Variants in SNED1 observed in about 807,000 individuals in gnomAD.
SNED1 encodes the protein sushi, nidogen and EGF-like domain-containing protein 1.
In SNED1, 81 loss-of-function variants were observed where a neutral mutation model predicts 166.7. That is an observed-to-expected ratio of 0.49 (90% CI 0.41 to 0.58). The LOEUF is 0.58. SNED1 is among the 20% of genes least tolerant of loss of function. The pLI is 0.00. For missense variants in SNED1, 1,604 were observed against 2,000.2 expected (o/e 0.80, Z 3.78); for synonymous variants, 762 against 822.0 (o/e 0.93, Z 1.25).
At position 241,048,419 on chromosome 2, in the gene SNED1, A is replaced by G. The variant is rs750206994; in HGVS notation, c.1378A>G (p.Met460Val). ...GYVCECPEGF[M>V]GLDCRERVPD... is the part of the protein sequence containing the mutation. ...CGTGTGCGAGTGCCCCGAAGGCTTC[A>G]TGGGCCTGGACTGCAGGGAGAGTGC... Residue 460 changes from methionine (M) to valine (V), a missense_variant, in exon 9 of 32, where the codon ATG (methionine) becomes GTG (valine). Met to Val is a conservative substitution (Grantham distance 21). Coordinates refer to ENST00000310397, the MANE Select transcript of SNED1 (RefSeq NM_001080437.3). 6.2e-7 allele frequency: 1 copy of G among 1,609,938 alleles called. No individual in the cohort carries two copies. The highest frequency in any genetic ancestry group is 1.1e-5 in the South Asian group (1 of 89,980).
In SNED1 at chr2:240,998,688, G is replaced by A. The variant is rs1170283411; in HGVS notation, c.-150G>A. The A allele has an allele frequency of 6.0e-6, 1 of 168,060 alleles. No homozygotes were observed. The highest frequency in any genetic ancestry group is 2.4e-5 in the African/African-American group (1 of 41,308). The allele number at this position is 168,060 out of a possible 1,614,324, so 10.4% of individuals were successfully genotyped here. A position where few individuals can be genotyped will look rare whatever the true frequency, so the allele number is the denominator to read the frequency against. ...GGCGAGAGCGCGGCCCGGCCGAACG[G>A]GCGCGGGACGCGGAGCCCCCGACGG... On this transcript the variant is annotated 5_prime_UTR_variant, in exon 1 of 32. Transcript: ENST00000310397.
In SNED1 at chr2:241,046,585, TTC is replaced by T. The variant is rs560281037; in HGVS notation, c.1274-1728_1274-1727del. 2.7e-4 allele frequency among the ~76,000 whole-genome samples: 41 copies of T among 152,340 alleles called. 3 individuals are homozygous for T. In the South Asian group the frequency reaches 8.5e-3, roughly 32 times the overall value. On this transcript the variant is annotated intron_variant, in intron 8 of 31. Coordinates refer to ENST00000310397, the MANE Select transcript of SNED1 (RefSeq NM_001080437.3). ...TCCTGTATGGTTCCACTAAATGGCATTCTTCGTAAAACAAAACTATAGTGATG... is the reference window on the plus strand; with the variant it reads ...TCCTGTATGGTTCCACTAAATGGCATTTCGTAAAACAAAACTATAGTGATG...
chr2:241,016,300 A>G (rs2060589690), intron 1 of SNED1, among the ~76,000 whole-genome samples: 1 of 144,500 alleles, frequency 6.9e-6, no homozygotes, highest in Admixed American at 7.5e-5. Context: ...GGTTCACGCT[A>G]TTCTCCTGCC....
At chr2:241,047,418 C>G (rs547277028) in intron 8 of SNED1, among the ~76,000 whole-genome samples, 3 of 152,060 alleles carry the variant, frequency 2.0e-5, no homozygotes, top group African/African-American at 7.3e-5. Flanking sequence ...TTCGACACTC[C>G]CCTCTCAGTG....
intron 8 of SNED1, among the ~76,000 whole-genome samples, chr2:241,041,562 G>A (rs904043383): frequency 1.3e-5 from 2 of 152,124 alleles, no homozygotes; most frequent in Non-Finnish European, 2.9e-5. Context: ...CTGCATGCCT[G>A]TAATCCCAGC....
In SNED1 at chr2:241,000,872, T is replaced by C. The variant is rs554663594; in HGVS notation, c.213+1822T>C. ...CTTTCTGTTTGCTCAGCAGGAGGCTTGAGGCTGCGTTGCCCAGGACACCTT... is the reference window on the plus strand; with the variant it reads ...CTTTCTGTTTGCTCAGCAGGAGGCTCGAGGCTGCGTTGCCCAGGACACCTT... On this transcript the variant is annotated intron_variant, in intron 1 of 31. Transcript: ENST00000310397. 1.8e-3 allele frequency among the ~76,000 whole-genome samples: 271 copies of C among 152,348 alleles called. 1 individual carries two copies. The highest frequency in any genetic ancestry group is 6.8e-3 in the Middle Eastern group (2 of 294).
intron 16 of SNED1, 116 bp downstream of exon 16, chr2:241,053,442 T>G: frequency 9.6e-7 from 1 of 1,042,700 alleles, no homozygotes. Flanking sequence ...TCTGACCTGG[T>G]CCTGCCCCTG....
chr2:241,071,416 G>A, intron 24 of SNED1, 160 bp from the exon 25 acceptor site: 1 of 768,154 alleles, frequency 1.3e-6, no homozygotes, highest in South Asian at 1.7e-5. Flanking sequence ...AGGGCATCTG[G>A]GGAAGCCACA....
In SNED1 at chr2:241,087,377, T is replaced by C; in HGVS notation, c.4122-15T>C. 1 of 1,583,748 alleles carries C rather than the reference T, an allele frequency of 6.3e-7. No homozygotes were observed. The highest frequency in any genetic ancestry group is 1.3e-5 in the African/African-American group (1 of 74,252). On this transcript the variant is annotated splice_polypyrimidine_tract_variant and intron_variant, in intron 29 of 31. Coordinates refer to ENST00000310397, the MANE Select transcript of SNED1 (RefSeq NM_001080437.3). The stretch of plus-strand genomic sequence containing the variant: ...CTTCACTGTCTGGTTTTACAAAGCT[T>C]TCTTGTGACAACAGGTATAAAAGAG...
rs1447497463 is a variant in SNED1 at position 241,051,267 on chromosome 2, C to G, written c.1736-477C>G. ...CACAGGCCCGGCCGTCTGAGCTCCTCGGGTTCCAGGAACTGTTAGGACCCA... is the reference window on the plus strand; with the variant it reads ...CACAGGCCCGGCCGTCTGAGCTCCTGGGGTTCCAGGAACTGTTAGGACCCA... On this transcript the variant is annotated intron_variant, in intron 12 of 31. Coordinates refer to ENST00000310397, the MANE Select transcript of SNED1 (RefSeq NM_001080437.3). This position sits in a 1 kb window ranked among gnomAD's most constrained non-coding sequence, Gnocchi z 4.7. 1 of 154,856 alleles carries G rather than the reference C, an allele frequency of 6.5e-6. No individual in the cohort carries two copies. The highest frequency in any genetic ancestry group is 1.4e-5 in the Non-Finnish European group (1 of 69,986). The allele number at this position is 154,856 out of a possible 1,614,324, so 9.6% of individuals were successfully genotyped here. A position where few individuals can be genotyped will look rare whatever the true frequency, so the allele number is the denominator to read the frequency against.
intron 18 of SNED1, 98 bp from the exon 19 acceptor site, chr2:241,063,914 G>A (rs2062328178): frequency 9.3e-6 from 9 of 965,148 alleles, no homozygotes; most frequent in Admixed American, 4.3e-5. Context: ...CCTGGCCTCC[G>A]CCCCTAGACT....
intron 29 of SNED1, 141 bp downstream of exon 29, chr2:241,082,505 T>A (rs2063378560): frequency 9.6e-6 from 6 of 626,060 alleles, no homozygotes; most frequent in Non-Finnish European, 1.7e-5. Flanking sequence ...GACCATCGAT[T>A]CCCTCCATGT....
At chr2:241,036,175 A>G (rs1302687965) in intron 4 of SNED1, among the ~76,000 whole-genome samples, 1 of 151,550 alleles carries the variant, frequency 6.6e-6, no homozygotes, top group Non-Finnish European at 1.5e-5. Flanking sequence ...ATGCAGTCGC[A>G]GGGCGGGAAG....
chr2:241,067,770 G>A lies in SNED1; in HGVS notation c.3017G>A (p.Arg1006His), dbSNP rs370559891. ...AACAGTCCATTCCCCCTAGGACCCCGCCCTGTGGAAGGCTTCGAGGTCACC... is the reference window on the plus strand; with the variant it reads ...AACAGTCCATTCCCCCTAGGACCCCACCCTGTGGAAGGCTTCGAGGTCACC... ...PAVLLARTRP[R>H]PVEGFEVTNV... Residue 1006 changes from arginine (R) to histidine (H), a missense_variant, in exon 22 of 32, where the codon CGC becomes CAC. Transcript: ENST00000310397. The A allele has an allele frequency of 2.1e-5, 33 of 1,606,248 alleles. No individual in the cohort carries two copies. The highest frequency in any genetic ancestry group is 8.4e-5 in the Admixed American group (5 of 59,854).
intron 1 of SNED1, among the ~76,000 whole-genome samples, chr2:241,003,128 G>A (rs2060124880): frequency 6.9e-6 from 1 of 144,778 alleles, no homozygotes; most frequent in Non-Finnish European, 1.5e-5. Context: ...CCTCCCCCGG[G>A]CCCCCCGCTC....
At chr2:241,024,760 C>T (rs1388660071) in intron 1 of SNED1, among the ~76,000 whole-genome samples, 1 of 151,334 alleles carries the variant, frequency 6.6e-6, no homozygotes, top group Non-Finnish European at 1.5e-5. Flanking sequence ...CAAACTCTGC[C>T]TCCCAGGTTC....
chr2:241,043,878 T>G (rs2061577388), intron 8 of SNED1, among the ~76,000 whole-genome samples: 1 of 152,160 alleles, frequency 6.6e-6, no homozygotes, highest in South Asian at 2.1e-4. Flanking sequence ...TAAAAATTGA[T>G]GGCAGGCAAG....
chr2:241,029,218 T>C (rs1000989315), intron 1 of SNED1, among the ~76,000 whole-genome samples: 20 of 152,200 alleles, frequency 1.3e-4, no homozygotes, highest in African/African-American at 4.8e-4. Context: ...AGTGCCCTGG[T>C]CAGCTCGAGC....
intron 2 of SNED1, among the ~76,000 whole-genome samples, chr2:241,033,343 T>G (rs574600425): frequency 3.5e-4 from 54 of 152,334 alleles, no homozygotes; most frequent in African/African-American, 1.3e-3. Flanking sequence ...TGTTAAACGC[T>G]GCAGCACGGC....
Sources: allele counts gnomAD v4.1 joint callset (sites outside exome capture counted in the v4.1 genomes callset), GRCh38; gene constraint gnomAD v4.1.1; non-coding constraint Gnocchi (gnomAD v3.1); transcripts MANE v1.5; gene names NCBI Gene and HGNC (gene_info 2026-07-23, HGNC 2026-07-21).